Variants in XRRA1 observed in about 807,000 individuals in gnomAD.
The protein encoded by XRRA1 is X-ray radiation resistance associated 1, also known as X-ray radiation resistance-associated protein 1.
A neutral mutation model predicts 80.2 loss-of-function variants in XRRA1; 69 were observed. That is an observed-to-expected ratio of 0.86 (90% CI 0.71 to 1.05). The LOEUF (loss-of-function observed/expected upper bound fraction) is 1.05, where lower values mean the gene tolerates loss of function less well. Ranked by LOEUF, XRRA1 falls within the 50% of genes least tolerant of loss-of-function variation. The pLI, the probability that XRRA1 is intolerant of heterozygous loss-of-function variation, is 0.00. For synonymous variants in XRRA1, 348 were observed against 389.9 expected, an observed-to-expected ratio of 0.89 and a Z score of 1.27; for missense variants, 967 against 976.4, an observed-to-expected ratio of 0.99 and a Z score of 0.13.
At position 74,862,833 on chromosome 11, in the gene XRRA1, G is replaced by A. The variant is rs377409059; in HGVS notation, c.1044+148C>T. 1.5e-4 allele frequency: 104 copies of A among 699,654 alleles called. No individual in the cohort carries two copies. In the African/African-American group the frequency reaches 1.9e-3, roughly 13 times the overall value. 43.3% of individuals were successfully genotyped at this position (699,654 alleles called of 1,614,324 possible). On this transcript the variant is annotated intron_variant, in intron 11 of 18. Transcript: ENST00000684022. ...CCAGCACAGGACCTGGTACATGATA[G>A]GTACTTGGCAACTACCTATTCAATG...
intron 8 of XRRA1, among the ~76,000 whole-genome samples, chr11:74,914,672 T>G (rs1180735527): frequency 1.3e-5 from 2 of 152,118 alleles, no homozygotes; most frequent in Non-Finnish European, 2.9e-5. Context: ...AGCAGATTCA[T>G]TTTTGAGCAA....
At chr11:74,923,057 A>G (rs1045087837) in intron 7 of XRRA1, among the ~76,000 whole-genome samples, 4 of 152,244 alleles carry the variant, frequency 2.6e-5, no homozygotes, top group Non-Finnish European at 5.9e-5. Flanking sequence ...CAGACCAATC[A>G]GGGCACAAAG....
intron 10 of XRRA1, among the ~76,000 whole-genome samples, chr11:74,891,468 G>A (rs998101690): frequency 6.6e-5 from 10 of 152,200 alleles, no homozygotes; most frequent in Non-Finnish European, 1.2e-4. Flanking sequence ...GCAGAAACTG[G>A]AAGCATCCCC....
chr11:74,882,783 T>C (rs2047980879), intron 10 of XRRA1, among the ~76,000 whole-genome samples: 1 of 152,184 alleles, frequency 6.6e-6, no homozygotes, highest in Admixed American at 6.5e-5. Context: ...GAGGTGTCAG[T>C]GTGCCCCTGC....
chr11:74,850,632 T>C (rs535408909), intron 14 of XRRA1, among the ~76,000 whole-genome samples: 2 of 152,344 alleles, frequency 1.3e-5, no homozygotes, highest in Middle Eastern at 3.4e-3. Flanking sequence ...AGCAGACTTC[T>C]CTCAACATAA....
chr11:74,912,248 A>G (rs983324156), intron 8 of XRRA1, among the ~76,000 whole-genome samples: 4 of 152,264 alleles, frequency 2.6e-5, no homozygotes, highest in Non-Finnish European at 5.9e-5. Flanking sequence ...GTAAAAAACT[A>G]GAAAACCCAG....
At position 74,848,188 on chromosome 11, in the gene XRRA1, G is replaced by T; in HGVS notation, c.1655C>A (p.Thr552Lys). ...SEETLSHLSD[T>K]TVRLSPERPS... ...GCGCTCTGGGCTGAGGCGGACAGTT[G>T]TGTCACTCAGGTGGGACAGGGTCTC... is the stretch of plus-strand genomic sequence containing the variant. Residue 552 changes from threonine to lysine, a missense_variant, in exon 15 of 19, where the codon ACA becomes AAA. Coordinates refer to ENST00000684022, the MANE Select transcript of XRRA1 (RefSeq NM_001378157.1). 6.2e-7 allele frequency: 1 copy of T among 1,613,854 alleles called. No homozygotes were observed.
At chr11:74,898,943 C>G (rs547731613) in intron 10 of XRRA1, among the ~76,000 whole-genome samples, 1 of 152,270 alleles carries the variant, frequency 6.6e-6, no homozygotes, top group African/African-American at 2.4e-5. Flanking sequence ...CATCCAGTGG[C>G]TTCAGAATAC....
intron 10 of XRRA1, among the ~76,000 whole-genome samples, chr11:74,869,793 T>C (rs1388522033): frequency 2.0e-5 from 3 of 152,178 alleles, no homozygotes; most frequent in African/African-American, 4.8e-5. Context: ...CAGGCACCTA[T>C]AAGAGCCCCT....
chr11:74,850,627 A>C (rs1353755705), intron 14 of XRRA1, among the ~76,000 whole-genome samples: 1 of 152,184 alleles, frequency 6.6e-6, no homozygotes, highest in Non-Finnish European at 1.5e-5. Context: ...AAGGAAGCAG[A>C]CTTCTCTCAA....
chr11:74,932,376 G>A (rs561553768), intron 5 of XRRA1, among the ~76,000 whole-genome samples: 11 of 152,132 alleles, frequency 7.2e-5, no homozygotes, highest in African/African-American at 2.2e-4. Context: ...GTCATATTTC[G>A]CACCCTCGTG....
Position 74,927,008 on chromosome 11 carries a change from T to C in XRRA1, c.522+383A>G, listed in dbSNP as rs146589346. ...GATCCAATCTGCTGCACCTAGCTCTTAAGCTCCATGGCTCCTCAATCCCCA... is the reference window on the plus strand; with the variant it reads ...GATCCAATCTGCTGCACCTAGCTCTCAAGCTCCATGGCTCCTCAATCCCCA... On this transcript the variant is annotated intron_variant, in intron 7 of 18. Coordinates refer to ENST00000684022, the MANE Select transcript of XRRA1 (RefSeq NM_001378157.1). Among the ~76,000 whole-genome samples, 359 of 152,172 alleles carry C rather than the reference T, an allele frequency of 2.4e-3. 2 individuals carry two copies. The highest frequency in any genetic ancestry group is 6.8e-3 in the Middle Eastern group (2 of 294).
At chr11:74,947,166 A>C (rs886424233) in intron 1 of XRRA1, among the ~76,000 whole-genome samples, 1 of 152,228 alleles carries the variant, frequency 6.6e-6, no homozygotes, top group Non-Finnish European at 1.5e-5. Flanking sequence ...GCAGTGGGTG[A>C]AGAAAGAAGA....
At chr11:74,894,575 TGAA>T (rs2051732025) in intron 10 of XRRA1, among the ~76,000 whole-genome samples, 1 of 152,114 alleles carries the variant, frequency 6.6e-6, no homozygotes, top group Admixed American at 6.6e-5. Context: ...AGAGAATGAA[TGAA>T]GAAGAAACTT....
At chr11:74,899,241 A>G (rs916751907) in intron 10 of XRRA1, among the ~76,000 whole-genome samples, 15 of 152,124 alleles carry the variant, frequency 9.9e-5, no homozygotes, top group African/African-American at 3.6e-4. Context: ...ATACCAAAAC[A>G]TATAAGATAC....
chr11:74,853,132 AGCATT>A (rs1463694480), intron 12 of XRRA1, among the ~76,000 whole-genome samples: 4 of 152,226 alleles, frequency 2.6e-5, no homozygotes, highest in Non-Finnish European at 5.9e-5. Flanking sequence ...GTGGGAAACA[AGCATT>A]GGAGAAACAG....
intron 4 of XRRA1, among the ~76,000 whole-genome samples, 162 bp from the exon 5 acceptor site, chr11:74,934,034 G>A (rs189532814): frequency 5.0e-4 from 76 of 151,800 alleles, no homozygotes; most frequent in African/African-American, 1.7e-3. Context: ...CCATTCATTC[G>A]CCAAATATTT....
At chr11:74,913,931 T>C (rs1264960320) in intron 8 of XRRA1, 1 of 152,202 alleles carries the variant, frequency 6.6e-6, no homozygotes, top group African/African-American at 2.4e-5. Flanking sequence ...ACACTACTTG[T>C]AGGAAAAAAA....
At chr11:74,930,229 A>T in intron 6 of XRRA1, 71 bp downstream of exon 6, 1 of 1,289,330 alleles carries the variant, frequency 7.8e-7, no homozygotes, top group African/African-American at 1.5e-5. Flanking sequence ...TGGACAGACA[A>T]ATCCTAACAC....
Sources: gnomAD v4.1 joint callset for allele counts (sites outside exome capture counted in the v4.1 genomes callset) on GRCh38, gnomAD v4.1.1 for gene constraint, MANE v1.5 for transcripts, NCBI Gene and HGNC (gene_info 2026-07-23, HGNC 2026-07-21) for gene names.